Variants in ZDHHC14 observed in about 807,000 individuals in gnomAD.
ZDHHC14 encodes zDHHC palmitoyltransferase 14, also known as palmitoyltransferase ZDHHC14.
In ZDHHC14, 16 loss-of-function variants were observed where a neutral mutation model predicts 47.7. The ratio of observed to expected loss-of-function variants is 0.34; its 90% CI spans 0.23 to 0.51. The LOEUF is 0.51. Ranked by LOEUF, ZDHHC14 falls within the 20% of genes least tolerant of loss-of-function variation. The pLI, the probability that ZDHHC14 is intolerant of heterozygous loss-of-function variation, is 0.97. For missense variants in ZDHHC14, 515 were observed against 662.5 expected (o/e 0.78, Z 2.44); for synonymous variants, 293 against 278.9 (o/e 1.05, Z -0.50).
At chr6:157,573,867 C>T (rs892171800) in intron 2 of ZDHHC14, among the ~76,000 whole-genome samples, 3 of 152,030 alleles carry the variant, frequency 2.0e-5, no homozygotes, top group African/African-American at 7.3e-5. Flanking sequence ...CAGCATTCCC[C>T]GTGCCCATGG....
chr6:157,436,647 CAG>C, intron 1 of ZDHHC14, among the ~76,000 whole-genome samples: 1 of 152,152 alleles, frequency 6.6e-6, no homozygotes, highest in Non-Finnish European at 1.5e-5. Flanking sequence ...TCAGAGCCCT[CAG>C]AGAGGTCTGC....
In ZDHHC14 at chr6:157,674,289, T is replaced by A. The variant is rs1353232202; in HGVS notation, c.*1167T>A. The A allele has an allele frequency of 2.6e-5, 4 of 152,138 alleles. No homozygotes were observed. The highest frequency in any genetic ancestry group is 5.9e-5 in the Non-Finnish European group (4 of 68,034). The allele number at this position is 152,138 out of a possible 1,614,324, so 9.4% of individuals were successfully genotyped here. A position where few individuals can be genotyped will look rare whatever the true frequency, so the allele number is the denominator to read the frequency against. On this transcript the variant is annotated 3_prime_UTR_variant, in exon 9 of 9. Coordinates refer to ENST00000359775, the MANE Select transcript of ZDHHC14 (RefSeq NM_024630.3). Reference sequence around the variant, plus strand: ...CCTTCTGTGTTAACGTGTCACTCAATCCCAGAAGTGCAACTTGAGGTCCTA... The same window carrying A: ...CCTTCTGTGTTAACGTGTCACTCAAACCCAGAAGTGCAACTTGAGGTCCTA...
At chr6:157,436,957 G>C (rs1393765850) in intron 1 of ZDHHC14, among the ~76,000 whole-genome samples, 1 of 152,112 alleles carries the variant, frequency 6.6e-6, no homozygotes, top group Non-Finnish European at 1.5e-5. Flanking sequence ...GGTGGGGATT[G>C]GGGTTGTGGA....
At position 157,673,223 on chromosome 6, in the gene ZDHHC14, G is replaced by A. The variant is rs530724104; in HGVS notation, c.*101G>A. ...CAGCGACTTTCCCAGCCAATGCCAC[G>A]GTGGAGATGACAGCCCCAGGTCTGG... On this transcript the variant is annotated 3_prime_UTR_variant, in exon 9 of 9. Transcript: ENST00000359775. This position sits in a 1 kb window ranked among gnomAD's most constrained non-coding sequence, Gnocchi z 5.4. 134 of 1,423,732 alleles carry A rather than the reference G, an allele frequency of 9.4e-5. No individual in the cohort carries two copies. The highest frequency in any genetic ancestry group is 3.9e-4 in the Admixed American group (13 of 33,584). The allele number at this position is 1,423,732 out of a possible 1,614,324, so 88.2% of individuals were successfully genotyped here. A position where few individuals can be genotyped will look rare whatever the true frequency, so the allele number is the denominator to read the frequency against.
At chr6:157,635,650 C>T (rs1396630287) in intron 5 of ZDHHC14, among the ~76,000 whole-genome samples, 1 of 151,984 alleles carries the variant, frequency 6.6e-6, no homozygotes, top group Non-Finnish European at 1.5e-5. Flanking sequence ...CACACGTCTG[C>T]ACGCTGCATG....
chr6:157,449,852 G>C (rs982802670), intron 1 of ZDHHC14, among the ~76,000 whole-genome samples: 2 of 152,128 alleles, frequency 1.3e-5, no homozygotes, highest in Non-Finnish European at 2.9e-5. Context: ...CCAGTACGTT[G>C]ATGGGCTTGA....
chr6:157,668,309 G>A (rs656620), intron 8 of ZDHHC14, among the ~76,000 whole-genome samples: 48,572 of 151,514 alleles, frequency 0.32, 8,198 homozygotes, highest in Non-Finnish European at 0.39. Context: ...TAGAAGAGGT[G>A]CTTATCATCA....
chr6:157,451,761 T>C (rs978730843), intron 1 of ZDHHC14, among the ~76,000 whole-genome samples: 1 of 152,168 alleles, frequency 6.6e-6, no homozygotes, highest in African/African-American at 2.4e-5. Context: ...GGTTTCTCCA[T>C]GTTGGCCAGG....
chr6:157,531,895 A>G (rs1781381843), intron 1 of ZDHHC14, among the ~76,000 whole-genome samples: 1 of 152,218 alleles, frequency 6.6e-6, no homozygotes, highest in South Asian at 2.1e-4. Flanking sequence ...TAACATCTGG[A>G]CTTTGTGCAG....
intron 1 of ZDHHC14, among the ~76,000 whole-genome samples, chr6:157,522,917 C>T (rs1448614530): frequency 7.4e-5 from 4 of 54,326 alleles, no homozygotes; most frequent in African/African-American, 5.5e-4. Context: ...TCCTTCCTTC[C>T]TTCCTTTCTT....
intron 5 of ZDHHC14, among the ~76,000 whole-genome samples, chr6:157,643,924 G>A (rs1777387642): frequency 6.6e-6 from 1 of 151,852 alleles, no homozygotes; most frequent in Non-Finnish European, 1.5e-5. Context: ...GTATTTCTAG[G>A]ATTGCAGTTT....
chr6:157,618,628 C>G (rs1189331125), intron 3 of ZDHHC14, among the ~76,000 whole-genome samples: 1 of 152,126 alleles, frequency 6.6e-6, no homozygotes, highest in Non-Finnish European at 1.5e-5. Flanking sequence ...GGCCACATGA[C>G]GGATTTTACC....
In ZDHHC14 at chr6:157,587,449, CATT is replaced by C. The variant is rs79772094; in HGVS notation, c.407-5537_407-5535del. ...TCAGCACCTCTCCAGATGCCTGTGA[CATT>C]AGTGCCATTTGATGGGGCAGCCACC... On this transcript the variant is annotated intron_variant, in intron 2 of 8. Coordinates refer to ENST00000359775, the MANE Select transcript of ZDHHC14 (RefSeq NM_024630.3). 1.2e-3 allele frequency among the ~76,000 whole-genome samples: 178 copies of C among 152,332 alleles called. 2 individuals carry two copies. In the East Asian group the frequency reaches 0.03, roughly 26 times the overall value.
chr6:157,615,018 C>T (rs189495979), intron 3 of ZDHHC14, among the ~76,000 whole-genome samples: 3 of 152,246 alleles, frequency 2.0e-5, no homozygotes, highest in African/African-American at 4.8e-5. Context: ...ATCCACCCAC[C>T]TCCGCCTCCC....
intron 1 of ZDHHC14, among the ~76,000 whole-genome samples, chr6:157,489,583 T>C (rs1025964743): frequency 4.6e-5 from 7 of 152,210 alleles, no homozygotes; most frequent in Non-Finnish European, 1.5e-5. Flanking sequence ...AGGGTGGTGG[T>C]TATTCATAGG....
At chr6:157,496,737 C>T (rs113226681) in intron 1 of ZDHHC14, among the ~76,000 whole-genome samples, 32 of 152,328 alleles carry the variant, frequency 2.1e-4, no homozygotes, top group African/African-American at 7.2e-4. Context: ...TAAATTTGGA[C>T]TTCCAGCCTC....
intron 1 of ZDHHC14, among the ~76,000 whole-genome samples, chr6:157,522,637 A>C (rs940241202): frequency 6.6e-6 from 1 of 151,552 alleles, no homozygotes; most frequent in African/African-American, 2.4e-5. Context: ...AATTTTTATG[A>C]TATTAATAAT....
intron 2 of ZDHHC14, among the ~76,000 whole-genome samples, chr6:157,572,236 C>T (rs752821301): frequency 4.9e-4 from 75 of 152,076 alleles, no homozygotes; most frequent in Admixed American, 9.8e-4. Flanking sequence ...GGCCACCACC[C>T]ACTAGGTCCC....
chr6:157,553,454 ACT>A (rs1277454703), intron 2 of ZDHHC14, among the ~76,000 whole-genome samples: 1 of 151,880 alleles, frequency 6.6e-6, no homozygotes, highest in African/African-American at 2.4e-5. Flanking sequence ...ATGTTCACAC[ACT>A]CTGTGAAAAT....
Sources: allele counts gnomAD v4.1 joint callset (sites outside exome capture counted in the v4.1 genomes callset), GRCh38; gene constraint gnomAD v4.1.1; non-coding constraint Gnocchi (gnomAD v3.1); transcripts MANE v1.5; gene names NCBI Gene and HGNC (gene_info 2026-07-23, HGNC 2026-07-21).